The following SPATA31D1 variants were observed in gnomAD, a reference collection of about 807,000 sequenced individuals.
SPATA31D1 encodes SPATA31 subfamily D member 1, also known as spermatogenesis-associated protein 31D1.
A neutral mutation model predicts 13.2 loss-of-function variants in SPATA31D1; 6 were observed. The observed-to-expected ratio is 0.46, with a 90% confidence interval of 0.25 to 0.90. SPATA31D1 has a LOEUF of 0.90. SPATA31D1 is among the 40% of genes least tolerant of loss of function. SPATA31D1 has a pLI of 0.18. For synonymous variants in SPATA31D1, 903 were observed against 718.8 expected (o/e 1.26, Z -4.10); for missense variants, 2,445 against 1,884.7 (o/e 1.30, Z -5.50).
Position 81,993,206 on chromosome 9 carries a change from G to A in SPATA31D1, c.2736G>A (p.Met912Ile), listed in dbSNP as rs369982400. The A allele has an allele frequency of 1.5e-3, 2,421 of 1,613,970 alleles. 55 individuals are homozygous for A. The South Asian group carries it at 0.025, about 17-fold the overall frequency. Reference sequence around the variant, plus strand: ...AAGCCCATATTAAAACTTTCCGTATGAGGATGCTGTGGGGCCTTCCCCTCA... The same window carrying A: ...AAGCCCATATTAAAACTTTCCGTATAAGGATGCTGTGGGGCCTTCCCCTCA... ...MLEAHIKTFR[M>I]RMLWGLPLKV... is the part of the protein sequence containing the mutation. The change falls in exon 4 of 4, where the codon ATG becomes ATA. Residue 912 changes from methionine to isoleucine, a missense_variant. By Grantham distance (10) the Met-to-Ile change is conservative. Coordinates refer to ENST00000344803, the MANE Select transcript of SPATA31D1 (RefSeq NM_001001670.3).
chr9:81,994,834 A>T lies in SPATA31D1; in HGVS notation c.4364A>T (p.Gln1455Leu). ...PEVHVRAEPVQGCPCNYRAPS... is the reference protein window; with the variant it reads ...PEVHVRAEPVLGCPCNYRAPS... ...GTGCATGTCAGAGCAGAGCCTGTCC[A>T]GGGCTGTCCCTGCAACTACAGGGCT... The change falls in exon 4 of 4, where the codon CAG (glutamine) becomes CTG (leucine). Residue 1455 changes from glutamine to leucine, a missense_variant. Coordinates refer to ENST00000344803, the MANE Select transcript of SPATA31D1 (RefSeq NM_001001670.3). 1 of 1,613,978 alleles carries T rather than the reference A, an allele frequency of 6.2e-7. No homozygotes were observed. Among genetic ancestry groups the T allele is most frequent in the Non-Finnish European group, 8.5e-7 (1 of 1,179,880 alleles).
At position 81,991,344 on chromosome 9, in the gene SPATA31D1, T is replaced by A; in HGVS notation, c.874T>A (p.Cys292Ser). Residue 292 changes from cysteine (C) to serine (S), a missense_variant, in exon 4 of 4, where the codon TGT (cysteine) becomes AGT (serine). Physicochemically the swap from Cys to Ser is moderately radical, Grantham distance 112. Coordinates refer to ENST00000344803, the MANE Select transcript of SPATA31D1 (RefSeq NM_001001670.3). Reference sequence around the variant, plus strand: ...GCAGGCCATGAATCCCATTGATTCTTGTGCTCGTCATCACGGACCACCAAT... The same window carrying A: ...GCAGGCCATGAATCCCATTGATTCTAGTGCTCGTCATCACGGACCACCAAT... The part of the protein sequence containing the change: ...ISQAMNPIDS[C>S]ARHHGPPIPS... 1 of 1,614,058 alleles carries A rather than the reference T, an allele frequency of 6.2e-7. No individual in the cohort carries two copies. The highest frequency in any genetic ancestry group is 1.7e-4 in the Middle Eastern group (1 of 6,046).
chr9:81,990,852 C>G lies in SPATA31D1; in HGVS notation c.382C>G (p.Pro128Ala). 6.2e-7 allele frequency: 1 copy of G among 1,613,910 alleles called. No homozygotes were observed. Among genetic ancestry groups the G allele is most frequent in the Non-Finnish European group, 8.5e-7 (1 of 1,179,874 alleles). ...CTTTCGTCGACTGTTATGCCCAGAC[C>G]CCGTCTGTCGGGTGTGTAAGAGAGC... is the stretch of plus-strand genomic sequence containing the variant. Reference protein sequence around the residue: ...NHFRRLLCPDPVCRVCKRATA... With the variant: ...NHFRRLLCPDAVCRVCKRATA... The change falls in exon 4 of 4, where the codon CCC (proline) becomes GCC (alanine). Residue 128 changes from proline to alanine, a missense_variant. Transcript: ENST00000344803.
Position 81,991,846 on chromosome 9 carries a change from C to T in SPATA31D1, c.1376C>T (p.Ala459Val). 6.2e-7 allele frequency: 1 copy of T among 1,613,812 alleles called. No homozygotes were observed. The highest frequency in any genetic ancestry group is 8.5e-7 in the Non-Finnish European group (1 of 1,179,722). The stretch of plus-strand genomic sequence containing the variant: ...TCACGGAATATGTTAACCTCAATTG[C>T]TGTTAAGCATGACTTGGCAGAATCC... ...NSSRNMLTSI[A>V]VKHDLAESFP... The change falls in exon 4 of 4, where the codon GCT (alanine) becomes GTT (valine). Residue 459 changes from alanine (A) to valine (V), a missense_variant. By Grantham distance (64) the Ala-to-Val change is moderately conservative. Transcript: ENST00000344803.
chr9:81,987,803 CAAT>C (rs1057380559), upstream of SPATA31D1, among the ~76,000 whole-genome samples: 152 of 152,048 alleles, frequency 1.0e-3, no homozygotes, highest in Non-Finnish European at 7.7e-4. Flanking sequence ...ACAACAACAA[CAAT>C]AACTTACTAA....
In SPATA31D1 at chr9:81,990,872, G is replaced by C. The variant is rs760679229; in HGVS notation, c.402G>C (p.Lys134Asn). The C allele has an allele frequency of 8.3e-5, 134 of 1,613,806 alleles. No individual in the cohort carries two copies. The highest frequency in any genetic ancestry group is 3.3e-4 in the Middle Eastern group (2 of 6,084). ...CAGACCCCGTCTGTCGGGTGTGTAAGAGAGCAACTGCTGATATCCAGCAAC... is the reference window on the plus strand; with the variant it reads ...CAGACCCCGTCTGTCGGGTGTGTAACAGAGCAACTGCTGATATCCAGCAAC... The part of the protein sequence containing the change: ...LCPDPVCRVC[K>N]RATADIQQLL... The change falls in exon 4 of 4, where the codon AAG becomes AAC. Residue 134 changes from lysine (K) to asparagine (N), a missense_variant. Transcript: ENST00000344803.
Position 81,992,624 on chromosome 9 carries a change from A to T in SPATA31D1, c.2154A>T (p.Lys718Asn), listed in dbSNP as rs769216202. The change falls in exon 4 of 4, where the codon AAA (lysine) becomes AAT (asparagine). Residue 718 changes from lysine (K) to asparagine (N), a missense_variant. Coordinates refer to ENST00000344803, the MANE Select transcript of SPATA31D1 (RefSeq NM_001001670.3). ...TGTCATTGCTACGTCCTCAGAGCAAAATTTCAGAGCTATCTGTGTCAGAGA... is the reference window on the plus strand; with the variant it reads ...TGTCATTGCTACGTCCTCAGAGCAATATTTCAGAGCTATCTGTGTCAGAGA... ...ESLSLLRPQS[K>N]ISELSVSERI... 2.5e-6 allele frequency: 4 copies of T among 1,613,446 alleles called. No individual in the cohort carries two copies. Among genetic ancestry groups the T allele is most frequent in the Admixed American group, 3.3e-5 (2 of 60,020 alleles).
In SPATA31D1 at chr9:81,992,468, C is replaced by T. The variant is rs774838223; in HGVS notation, c.1998C>T (p.Val666=). The change falls in exon 4 of 4, where the codon GTC becomes GTT. Residue 666 remains valine (V), a synonymous_variant. Coordinates refer to ENST00000344803, the MANE Select transcript of SPATA31D1 (RefSeq NM_001001670.3). ...NPELVRKSFK[V]HVPISIIPGD... The stretch of plus-strand genomic sequence containing the variant: ...AATTGGTCAGAAAGTCCTTCAAGGT[C>T]CATGTTCCGATCTCCATCATTCCTG... 1 of 1,612,082 alleles carries T rather than the reference C, an allele frequency of 6.2e-7. No homozygotes were observed. Among genetic ancestry groups the T allele is most frequent in the African/African-American group, 1.3e-5 (1 of 74,884 alleles).
At position 81,993,703 on chromosome 9, in the gene SPATA31D1, G is replaced by A. The variant is rs1170654675; in HGVS notation, c.3233G>A (p.Ser1078Asn). The A allele has an allele frequency of 6.2e-7, 1 of 1,614,014 alleles. No homozygotes were observed. The highest frequency in any genetic ancestry group is 1.7e-5 in the Admixed American group (1 of 60,024). ...FSDTDNDLTE[S>N]VRTTEDGRQT... ...GATACTGACAATGATCTTACAGAAA[G>A]TGTCCGGACAACAGAGGATGGCAGA... The change falls in exon 4 of 4, where the codon AGT (serine) becomes AAT (asparagine). Residue 1078 changes from serine to asparagine, a missense_variant. By Grantham distance (46) the Ser-to-Asn change is conservative. Coordinates refer to ENST00000344803, the MANE Select transcript of SPATA31D1 (RefSeq NM_001001670.3).
chr9:81,994,495 C>T lies in SPATA31D1; in HGVS notation c.4025C>T (p.Thr1342Ile). 1 of 1,613,482 alleles carries T rather than the reference C, an allele frequency of 6.2e-7. No individual in the cohort carries two copies. The highest frequency in any genetic ancestry group is 8.5e-7 in the Non-Finnish European group (1 of 1,179,666). ...AGCAAATCTTCCCCAACCTTGAAAA[C>T]ACAGCCTCCTCCTGAAAACCTTTTC... The part of the protein sequence containing the change: ...LGSKSSPTLK[T>I]QPPPENLFRK... Residue 1342 changes from threonine to isoleucine, a missense_variant, in exon 4 of 4, where the codon ACA (threonine) becomes ATA (isoleucine). Physicochemically the swap from Thr to Ile is moderately conservative, Grantham distance 89. Transcript: ENST00000344803.
At chr9:81,989,038 G>C in intron 1 of SPATA31D1, 34 bp downstream of exon 1, 19 of 1,605,370 alleles carry the variant, frequency 1.2e-5, no homozygotes, top group Non-Finnish European at 1.6e-5. Flanking sequence ...CAAGAGAGAT[G>C]CCCTGTTGTT....
intron 1 of SPATA31D1, among the ~76,000 whole-genome samples, chr9:81,989,473 C>T (rs1331086797): frequency 2.0e-5 from 3 of 152,290 alleles, no homozygotes; most frequent in African/African-American, 7.2e-5. Context: ...GTCTCCGTGA[C>T]ACTTGTCCCA....
At position 81,991,445 on chromosome 9, in the gene SPATA31D1, G is replaced by A. The variant is rs557466931; in HGVS notation, c.975G>A (p.Pro325=). The change falls in exon 4 of 4, where the codon CCG becomes CCA. Residue 325 remains proline, a synonymous_variant. Transcript: ENST00000344803. ...KSSLTILKTF[P]EMLSLGGSGG... is the part of the protein sequence containing the mutation. ...GTCTCACCATCTTGAAGACTTTTCC[G>A]GAAATGTTATCTCTAGGTGGCTCTG... 1.1e-5 allele frequency: 18 copies of A among 1,613,956 alleles called. No homozygotes were observed. Among genetic ancestry groups the A allele is most frequent in the South Asian group, 4.4e-5 (4 of 91,076 alleles).
rs1356528916 is a variant in SPATA31D1, at chr9:81,988,823, A to G, written c.5A>G (p.Glu2Gly). Residue 2 changes from glutamate to glycine, a missense_variant, in exon 1 of 4, where the codon GAG (glutamate) becomes GGG (glycine). Transcript: ENST00000344803. Reference sequence around the variant, plus strand: ...GGCAGCTGAGCTATTCAGACCATGGAGAATATCCTCTGTTTTCTGAACAGC... The same window carrying G: ...GGCAGCTGAGCTATTCAGACCATGGGGAATATCCTCTGTTTTCTGAACAGC... Reference protein sequence around the residue: MENILCFLNSYT... With the variant: MGNILCFLNSYT... 2.2e-5 allele frequency: 36 copies of G among 1,612,544 alleles called. No individual in the cohort carries two copies. Among genetic ancestry groups the G allele is most frequent in the Non-Finnish European group, 3.0e-5 (35 of 1,179,720 alleles).
chr9:81,988,963 C>T lies in SPATA31D1; in HGVS notation c.145C>T (p.Leu49=). The T allele has an allele frequency of 6.2e-7, 1 of 1,611,778 alleles. No individual in the cohort carries two copies. The highest frequency in any genetic ancestry group is 1.1e-5 in the South Asian group (1 of 90,972). ...ILYLFYVVLT[L]YSSPTEKNND... Reference sequence around the variant, plus strand: ...GTACTTGTTCTACGTGGTATTGACCCTGTATTCGTCACCCACCGAAAAAAA... The same window carrying T: ...GTACTTGTTCTACGTGGTATTGACCTTGTATTCGTCACCCACCGAAAAAAA... The change falls in exon 1 of 4, where the codon CTG becomes TTG. Residue 49 remains leucine, a synonymous_variant. Coordinates refer to ENST00000344803, the MANE Select transcript of SPATA31D1 (RefSeq NM_001001670.3).
In SPATA31D1 at chr9:81,991,272, C is replaced by T. The variant is rs370991238; in HGVS notation, c.802C>T (p.Leu268=). The change falls in exon 4 of 4, where the codon CTG becomes TTG. Residue 268 remains leucine (L), a synonymous_variant. Coordinates refer to ENST00000344803, the MANE Select transcript of SPATA31D1 (RefSeq NM_001001670.3). ...SSLQPEASLS[L]NTIFSFGSTL... Reference sequence around the variant, plus strand: ...CCTCCAACCTGAAGCCAGTTTGTCTCTGAACACCATCTTTTCATTTGGCTC... The same window carrying T: ...CCTCCAACCTGAAGCCAGTTTGTCTTTGAACACCATCTTTTCATTTGGCTC... 40 of 1,613,938 alleles carry T rather than the reference C, an allele frequency of 2.5e-5. No homozygotes were observed. The highest frequency in any genetic ancestry group is 3.3e-5 in the Non-Finnish European group (39 of 1,179,904).
rs182884415 is a variant in SPATA31D1, at chr9:81,990,802, G to A, written c.332G>A (p.Arg111Gln). ...SFGPPVSCSP[R>Q]GQHHDTNHFR... is the part of the protein sequence containing the mutation. ...GGACCTCCTGTTTCCTGCAGTCCTC[G>A]GGGCCAGCATCATGATACCAACCAC... The change falls in exon 4 of 4, where the codon CGG becomes CAG. Residue 111 changes from arginine (R) to glutamine (Q), a missense_variant. Transcript: ENST00000344803. 4 of 1,612,748 alleles carry A rather than the reference G, an allele frequency of 2.5e-6. No homozygotes were observed. The highest frequency in any genetic ancestry group is 1.3e-5 in the African/African-American group (1 of 74,968).
Position 81,992,089 on chromosome 9 carries a change from T to C in SPATA31D1, c.1619T>C (p.Ile540Thr), listed in dbSNP as rs1339457553. Residue 540 changes from isoleucine (I) to threonine (T), a missense_variant, in exon 4 of 4, where the codon ATA becomes ACA. Physicochemically the swap from Ile to Thr is moderately conservative, Grantham distance 89. Coordinates refer to ENST00000344803, the MANE Select transcript of SPATA31D1 (RefSeq NM_001001670.3). ...TTCAATGGCATTACAAATACATCTA[T>C]ATCCCATGAATCCCCAGTACTTCCC... ...VFFNGITNTSISHESPVLPPP... is the reference protein window; with the variant it reads ...VFFNGITNTSTSHESPVLPPP... 2 of 1,613,766 alleles carry C rather than the reference T, an allele frequency of 1.2e-6. No homozygotes were observed. Among genetic ancestry groups the C allele is most frequent in the Admixed American group, 3.3e-5 (2 of 60,008 alleles).
At position 81,993,593 on chromosome 9, in the gene SPATA31D1, C is replaced by T. The variant is rs1236079751; in HGVS notation, c.3123C>T (p.Ser1041=). The T allele has an allele frequency of 2.5e-6, 4 of 1,613,832 alleles. No homozygotes were observed. Among genetic ancestry groups the T allele is most frequent in the Middle Eastern group, 1.6e-4 (1 of 6,084 alleles). ...DFQSEKLDST[S]SFPILGHSYL... is the part of the protein sequence containing the mutation. The stretch of plus-strand genomic sequence containing the variant: ...AAAGCGAAAAATTAGATTCAACAAG[C>T]TCATTCCCCATCCTCGGTCATTCTT... Residue 1041 remains serine (S), a synonymous_variant, in exon 4 of 4, where the codon AGC becomes AGT. Coordinates refer to ENST00000344803, the MANE Select transcript of SPATA31D1 (RefSeq NM_001001670.3).
Sources: allele counts gnomAD v4.1 joint callset (sites outside exome capture counted in the v4.1 genomes callset), GRCh38; gene constraint gnomAD v4.1.1; transcripts MANE v1.5; gene names NCBI Gene and HGNC (gene_info 2026-07-23, HGNC 2026-07-21).